The following CACNG6 variants were observed in gnomAD, a reference collection of about 807,000 sequenced individuals.
CACNG6 encodes calcium voltage-gated channel auxiliary subunit gamma 6, also known as voltage-dependent calcium channel gamma-6 subunit.
A neutral mutation model predicts 23.9 loss-of-function variants in CACNG6; 21 were observed. The observed-to-expected ratio is 0.88, with a 90% CI of 0.62 to 1.26. The LOEUF (loss-of-function observed/expected upper bound fraction) is 1.26. CACNG6 is among the 50% of genes most tolerant of loss of function. The pLI is 0.00. For missense variants in CACNG6, 340 were observed against 352.9 expected, an observed-to-expected ratio of 0.96 and a Z score of 0.29; for synonymous variants, 182 against 168.9, an observed-to-expected ratio of 1.08 and a Z score of -0.60.
At chr19:54,004,632 C>T (rs187996695) in intron 3 of CACNG6, among the ~76,000 whole-genome samples, 56 of 152,240 alleles carry the variant, frequency 3.7e-4, no homozygotes, top group African/African-American at 1.3e-3. Context: ...GGGCTGACTC[C>T]CGGCGCCCTG....
intron 1 of CACNG6, 146 bp from the exon 2 acceptor site, chr19:53,998,093 A>G (rs1476179671): frequency 1.7e-6 from 1 of 597,962 alleles, no homozygotes; most frequent in East Asian, 3.1e-5. Context: ...TGGCTTTCAC[A>G]CCTCTGGGCA....
intron 3 of CACNG6, among the ~76,000 whole-genome samples, chr19:54,008,840 T>C (rs2069674439): frequency 1.3e-5 from 2 of 152,348 alleles, no homozygotes; most frequent in Middle Eastern, 3.4e-3. Flanking sequence ...TGAGATTATC[T>C]TGTCTCCTCA....
intron 3 of CACNG6, among the ~76,000 whole-genome samples, chr19:54,009,237 G>A (rs113881034): frequency 1.3e-5 from 2 of 152,000 alleles, no homozygotes; most frequent in African/African-American, 4.8e-5. Context: ...CCTGGCCAAC[G>A]TGGTGAAACC....
chr19:54,011,430 CAAAAAA>C (rs59105087), intron 3 of CACNG6, among the ~76,000 whole-genome samples: 7 of 100,562 alleles, frequency 7.0e-5, no homozygotes, highest in East Asian at 5.3e-4. Context: ...GACTCCGTCT[CAAAAAA>C]AAAAAAAAAA....
In CACNG6 at chr19:54,000,647, C is replaced by T. The variant is rs569334517; in HGVS notation, c.544+876C>T. 7.2e-5 allele frequency among the ~76,000 whole-genome samples: 11 copies of T among 152,180 alleles called. No homozygotes were observed. The South Asian group carries it at 1.0e-3, about 14-fold the overall frequency. On this transcript the variant is annotated intron_variant, in intron 3 of 3. Coordinates refer to ENST00000252729, the MANE Select transcript of CACNG6 (RefSeq NM_145814.2). ...AGGCTGGAGTGTAATGGCATGATCT[C>T]GGCTCACTGCAACCTCCGCCTGCTG...
chr19:54,002,649 T>A (rs1343817731), intron 3 of CACNG6, among the ~76,000 whole-genome samples: 1 of 152,162 alleles, frequency 6.6e-6, no homozygotes. Flanking sequence ...GTGCTGGTGT[T>A]ATTATTGAAC....
chr19:54,000,873 C>T (rs112925594), intron 3 of CACNG6, among the ~76,000 whole-genome samples: 3 of 152,302 alleles, frequency 2.0e-5, no homozygotes, highest in African/African-American at 7.2e-5. Context: ...AGCCACCACA[C>T]ACAGCTTCCC....
In CACNG6 at chr19:54,002,238, T is replaced by C. The variant is rs2069582920; in HGVS notation, c.544+2467T>C. Among the ~76,000 whole-genome samples the C allele has an allele frequency of 2.0e-5, 3 of 151,226 alleles. No individual in the cohort carries two copies. The South Asian group carries it at 6.3e-4, about 32-fold the overall frequency. Reference sequence around the variant, plus strand: ...CCTCCTGAGTAGCTGGGAATACAGGTGCATGCCGCCAAGCCCGGCTAATTT... The same window carrying C: ...CCTCCTGAGTAGCTGGGAATACAGGCGCATGCCGCCAAGCCCGGCTAATTT... On this transcript the variant is annotated intron_variant, in intron 3 of 3. Transcript: ENST00000252729.
chr19:54,007,727 G>A (rs1011711926), intron 3 of CACNG6, among the ~76,000 whole-genome samples: 12 of 149,938 alleles, frequency 8.0e-5, no homozygotes, highest in Non-Finnish European at 1.2e-4. Flanking sequence ...GAAAGATCCC[G>A]TCTCTACAAA....
chr19:53,998,443 G>A (rs764355656), intron 2 of CACNG6, 130 bp downstream of exon 2: 32 of 705,748 alleles, frequency 4.5e-5, no homozygotes, highest in Admixed American at 7.3e-5. Flanking sequence ...ATCTGTGGCT[G>A]TCCCCTGGGG....
At position 53,998,329 on chromosome 19, in the gene CACNG6, C is replaced by T. The variant is rs779851847; in HGVS notation, c.406+16C>T. On this transcript the variant is annotated intron_variant, in intron 2 of 3. Transcript: ENST00000252729. ...ACAAAGAAAGGTGAGAACTTTTCAC[C>T]CCCTGCTGGGTGACAGGTGGGGGAA... 1 of 1,611,072 alleles carries T rather than the reference C, an allele frequency of 6.2e-7. No homozygotes were observed. Among genetic ancestry groups the T allele is most frequent in the Non-Finnish European group, 8.5e-7 (1 of 1,177,430 alleles).
rs948205374 is a variant in CACNG6 at position 54,010,209 on chromosome 19, T to A, written c.545-1742T>A. On this transcript the variant is annotated intron_variant, in intron 3 of 3. Transcript: ENST00000252729. ...CTAATTTTGTAGTAGAGATAGGGTT[T>A]CTTCATGTTGGTCAGGCTGGTCTTG... Among the ~76,000 whole-genome samples the A allele has an allele frequency of 2.0e-5, 3 of 151,854 alleles. No individual in the cohort carries two copies. In the South Asian group the frequency reaches 6.2e-4, roughly 32 times the overall value.
chr19:54,004,334 TTTG>T lies in CACNG6; in HGVS notation c.544+4565_544+4567del, dbSNP rs1442623786. Among the ~76,000 whole-genome samples the T allele has an allele frequency of 2.7e-3, 340 of 126,538 alleles. 5 individuals are homozygous for T. The highest frequency in any genetic ancestry group is 0.011 in the African/African-American group (322 of 29,330). The allele number at this position is 126,538 out of a possible 152,430, so 83.0% of individuals were successfully genotyped here. A position where few individuals can be genotyped will look rare whatever the true frequency, so the allele number is the denominator to read the frequency against. ...CACCACGCCTGGTTAATTTTGTATT[TTTG>T]TGTGTGTGTGTGTGTGTGTGTGTGT... On this transcript the variant is annotated intron_variant, in intron 3 of 3. Coordinates refer to ENST00000252729, the MANE Select transcript of CACNG6 (RefSeq NM_145814.2).
At chr19:54,006,517 C>CTTTCTTTTTTTTTTTTTTT (rs2069646652) in intron 3 of CACNG6, among the ~76,000 whole-genome samples, 3 of 107,330 alleles carry the variant, frequency 2.8e-5, no homozygotes, top group African/African-American at 1.1e-4. Flanking sequence ...TTCCTTCTTT[C>CTTTCTTTTTTTTTTTTTTT]TTTTCTTTTT....
chr19:54,011,225 T>TACACACACACAC (rs1325176394), intron 3 of CACNG6, among the ~76,000 whole-genome samples: 6 of 110,336 alleles, frequency 5.4e-5, no homozygotes, highest in African/African-American at 2.5e-4. Flanking sequence ...TATATATATA[T>TACACACACACAC]ATACACACAC....
chr19:54,002,393 A>G (rs2069589650), intron 3 of CACNG6, among the ~76,000 whole-genome samples: 1 of 143,776 alleles, frequency 7.0e-6, no homozygotes, highest in African/African-American at 2.7e-5. Context: ...TGCTGGGATT[A>G]TAGGTATGAG....
At chr19:53,997,253 A>C (rs1273380205) in intron 1 of CACNG6, among the ~76,000 whole-genome samples, 2 of 151,960 alleles carry the variant, frequency 1.3e-5, no homozygotes, top group African/African-American at 2.4e-5. Flanking sequence ...AAATCTCTCC[A>C]TCTTGCTTTA....
chr19:54,004,553 G>A (rs1432413485), intron 3 of CACNG6, among the ~76,000 whole-genome samples: 2 of 151,964 alleles, frequency 1.3e-5, no homozygotes, highest in South Asian at 2.1e-4. Context: ...GTCGGATCAC[G>A]GATTCTCCCC....
chr19:53,999,816 G>C (rs375525462), intron 3 of CACNG6, 45 bp downstream of exon 3: 73 of 1,603,582 alleles, frequency 4.6e-5, no homozygotes, highest in Non-Finnish European at 5.9e-5. Flanking sequence ...CATGCTGGGA[G>C]GATCTCCAGG....
Sources: gnomAD v4.1 joint callset for allele counts (sites outside exome capture counted in the v4.1 genomes callset) on GRCh38, gnomAD v4.1.1 for gene constraint, MANE v1.5 for transcripts, NCBI Gene and HGNC (gene_info 2026-07-23, HGNC 2026-07-21) for gene names.